Variants in PTPRG observed in about 807,000 individuals in gnomAD.
PTPRG encodes protein tyrosine phosphatase receptor type G.
PTPRG carries 102 observed loss-of-function variants against 165.3 expected under a neutral mutation model. The observed-to-expected ratio is 0.62, with a 90% CI of 0.53 to 0.73. The LOEUF is 0.73. PTPRG is among the 30% of genes least tolerant of loss of function. PTPRG has a pLI of 0.00. For synonymous variants in PTPRG, 675 were observed against 669.5 expected (o/e 1.01, Z -0.13); for missense variants, 1,866 against 1,861.4 (o/e 1.00, Z -0.05).
At chr3:61,607,791 G>A (rs1449284923) in intron 1 of PTPRG, among the ~76,000 whole-genome samples, 1 of 152,114 alleles carries the variant, frequency 6.6e-6, no homozygotes, top group Non-Finnish European at 1.5e-5. Context: ...TAAATGCCAT[G>A]TGGGCTCAGG....
chr3:62,193,572 G>A (rs1448744318), intron 9 of PTPRG, among the ~76,000 whole-genome samples: 1 of 152,162 alleles, frequency 6.6e-6, no homozygotes, highest in Admixed American at 6.5e-5. Flanking sequence ...TATCATTTGA[G>A]CAGCATTTTC....
At chr3:61,998,694 T>G in intron 3 of PTPRG, among the ~76,000 whole-genome samples, 1 of 152,158 alleles carries the variant, frequency 6.6e-6, no homozygotes, top group East Asian at 1.9e-4. Flanking sequence ...GGCCTCTAGG[T>G]TAAGAAACCC....
chr3:62,236,935 T>A (rs1701046700), intron 14 of PTPRG, among the ~76,000 whole-genome samples: 1 of 152,198 alleles, frequency 6.6e-6, no homozygotes, highest in African/African-American at 2.4e-5. Flanking sequence ...GAACCCCTTT[T>A]TCCTGTAAGC....
At chr3:61,638,625 G>C (rs1174122726) in intron 1 of PTPRG, among the ~76,000 whole-genome samples, 1 of 105,976 alleles carries the variant, frequency 9.4e-6, no homozygotes, top group Non-Finnish European at 1.9e-5. Context: ...TTTTGGGGTA[G>C]AGGGATTTCC....
At chr3:61,871,964 A>G (rs1423955415) in intron 2 of PTPRG, among the ~76,000 whole-genome samples, 2 of 152,168 alleles carry the variant, frequency 1.3e-5, no homozygotes, top group Non-Finnish European at 2.9e-5. Context: ...CTCAGAGCCA[A>G]AGCTCTCAAC....
intron 3 of PTPRG, among the ~76,000 whole-genome samples, chr3:61,994,100 C>T (rs915029374): frequency 2.2e-4 from 34 of 152,344 alleles, no homozygotes; most frequent in African/African-American, 8.2e-4. Flanking sequence ...TGCCAGTTCC[C>T]ATTTGATTTC....
Position 62,203,030 on chromosome 3 carries a change from T to C in PTPRG, c.1378-143T>C. The C allele has an allele frequency of 7.2e-7, 1 of 1,386,964 alleles. No individual in the cohort carries two copies. The highest frequency in any genetic ancestry group is 9.5e-7 in the Non-Finnish European group (1 of 1,047,882). The allele number at this position is 1,386,964 out of a possible 1,614,324, so 85.9% of individuals were successfully genotyped here. A position where few individuals can be genotyped will look rare whatever the true frequency, so the allele number is the denominator to read the frequency against. Reference sequence around the variant, plus strand: ...ACCACCTAATGTCAACTTTATGCCATACATTGGAAAACTCCATAGCATAGA... The same window carrying C: ...ACCACCTAATGTCAACTTTATGCCACACATTGGAAAACTCCATAGCATAGA... On this transcript the variant is annotated intron_variant, in intron 11 of 29. Coordinates refer to ENST00000474889, the MANE Select transcript of PTPRG (RefSeq NM_002841.4). This position sits in a 1 kb window ranked among gnomAD's most constrained non-coding sequence, Gnocchi z 6.4.
rs549822838 is a variant in PTPRG, at chr3:62,231,993, A to T, written c.2375+682A>T. Among the ~76,000 whole-genome samples the T allele has an allele frequency of 2.6e-5, 4 of 152,320 alleles. No individual in the cohort carries two copies. In the South Asian group the frequency reaches 8.3e-4, roughly 32 times the overall value. On this transcript the variant is annotated intron_variant, in intron 14 of 29. Coordinates refer to ENST00000474889, the MANE Select transcript of PTPRG (RefSeq NM_002841.4). ...TATTTCTGTAAGGCCTGTCTTAGGC[A>T]AACTGTATTTAATATTAATATCTTT...
intron 5 of PTPRG, among the ~76,000 whole-genome samples, chr3:62,102,562 C>T (rs111420459): frequency 7.2e-5 from 11 of 152,294 alleles, no homozygotes; most frequent in African/African-American, 2.4e-4. Context: ...TGAGCCACCA[C>T]GCCCGGCCTG....
At chr3:62,196,113 T>C (rs1179391695) in intron 10 of PTPRG, among the ~76,000 whole-genome samples, 1 of 151,680 alleles carries the variant, frequency 6.6e-6, no homozygotes, top group Non-Finnish European at 1.5e-5. Context: ...AAAGCAAAAT[T>C]AGGCTGAGTG....
At chr3:62,071,559 AC>A (rs1208366438) in intron 4 of PTPRG, among the ~76,000 whole-genome samples, 1 of 152,164 alleles carries the variant, frequency 6.6e-6, no homozygotes, top group African/African-American at 2.4e-5. Flanking sequence ...CAGCTTTGGC[AC>A]TCAAAAATAA....
chr3:62,207,611 C>T (rs1017087771), intron 12 of PTPRG, among the ~76,000 whole-genome samples: 4 of 152,100 alleles, frequency 2.6e-5, no homozygotes, highest in Non-Finnish European at 5.9e-5. Context: ...TTAATCAATA[C>T]CTGGTCTCTG....
chr3:61,803,494 T>TGTCCAACATGGTTCATGTTGTCAATGTG (rs2035316972), intron 2 of PTPRG, among the ~76,000 whole-genome samples: 1 of 126,138 alleles, frequency 7.9e-6, no homozygotes, highest in African/African-American at 3.5e-5. Context: ...TTGTCCATGT[T>TGTCCAACATGGTTCATGTTGTCAATGTG]GTCCAACATG....
rs1240119639 is a variant in PTPRG, at chr3:62,210,184, A to G, written c.2155+6234A>G. Among the ~76,000 whole-genome samples the G allele has an allele frequency of 1.3e-5, 2 of 152,216 alleles. No individual in the cohort carries two copies. Among genetic ancestry groups the G allele is most frequent in the African/African-American group, 2.4e-5 (1 of 41,456 alleles). On this transcript the variant is annotated intron_variant, in intron 12 of 29. Transcript: ENST00000474889. The surrounding 1 kb of genome is among the most constrained non-coding windows in gnomAD (Gnocchi z 4.1). ...ATTCACAGGAACTCTTGGCAGTGATATAAATGGAAACGAATGATGCTCTAA... is the reference window on the plus strand; with the variant it reads ...ATTCACAGGAACTCTTGGCAGTGATGTAAATGGAAACGAATGATGCTCTAA...
chr3:62,214,311 G>A lies in PTPRG; in HGVS notation c.2156-4540G>A, dbSNP rs966621733. On this transcript the variant is annotated intron_variant, in intron 12 of 29. Transcript: ENST00000474889. The surrounding 1 kb of genome is among the most constrained non-coding windows in gnomAD (Gnocchi z 5.2). ...GTAATGATGCTGTTGCTAGGATGGT[G>A]GCGGGTGATGGTGTTGCCGAAGCTG... 4.6e-5 allele frequency among the ~76,000 whole-genome samples: 7 copies of A among 152,224 alleles called. No homozygotes were observed. Among genetic ancestry groups the A allele is most frequent in the African/African-American group, 7.2e-5 (3 of 41,448 alleles).
intron 6 of PTPRG, 46 bp downstream of exon 6, chr3:62,132,714 C>A: frequency 6.8e-7 from 1 of 1,470,804 alleles, no homozygotes; most frequent in Non-Finnish European, 9.5e-7. Context: ...GTGAAGGGCT[C>A]AGATCTCTAC....
intron 6 of PTPRG, among the ~76,000 whole-genome samples, chr3:62,138,267 A>G (rs1428054839): frequency 2.6e-5 from 4 of 152,250 alleles, no homozygotes; most frequent in East Asian, 1.9e-4. Context: ...CAAAAACACA[A>G]AGTGAGAAAT....
intron 1 of PTPRG, among the ~76,000 whole-genome samples, chr3:61,565,983 A>G (rs533190106): frequency 1.3e-5 from 2 of 152,194 alleles, no homozygotes; most frequent in African/African-American, 4.8e-5. Flanking sequence ...AAAATGAAGA[A>G]TCTTTACCCA....
intron 1 of PTPRG, among the ~76,000 whole-genome samples, chr3:61,712,512 C>T (rs970026890): frequency 2.0e-5 from 3 of 152,052 alleles, no homozygotes; most frequent in Admixed American, 6.6e-5. Flanking sequence ...GGAGGTTTCC[C>T]TCATGCTGTT....
Sources: gnomAD v4.1 joint callset for allele counts (sites outside exome capture counted in the v4.1 genomes callset) on GRCh38, gnomAD v4.1.1 for gene constraint, Gnocchi (gnomAD v3.1) non-coding constraint, MANE v1.5 for transcripts, NCBI Gene and HGNC (gene_info 2026-07-23, HGNC 2026-07-21) for gene names.